TDRD15: variants seen among roughly 807,000 people sequenced by gnomAD.
The protein encoded by TDRD15 is tudor domain-containing protein 15.
For synonymous variants in TDRD15, 503 were observed against 314.5 expected (o/e 1.60, Z -6.34); for missense variants, 1,416 against 904.7 (o/e 1.57, Z -7.25).
At position 21,140,696 on chromosome 2, in the gene TDRD15, G is replaced by A. The variant is rs891540696; in HGVS notation, c.3229G>A (p.Ala1077Thr). Residue 1077 changes from alanine to threonine, a missense_variant, in exon 4 of 4, where the codon GCT becomes ACT. Transcript: ENST00000405799. ...AGAGTTGTTGTTTACACCTATGCAA[G>A]CTATTAAGTGTTTTTTGTCAGATCT... ...FPELLFTPMQ[A>T]IKCFLSDLRD... is the part of the protein sequence containing the mutation. 5.6e-6 allele frequency: 4 copies of A among 713,928 alleles called. No individual in the cohort carries two copies. In the East Asian group the frequency reaches 1.1e-4, roughly 19 times the overall value. 44.2% of individuals were successfully genotyped at this position (713,928 alleles called of 1,614,324 possible).
At chr2:21,132,110 C>G (rs1665730150) in intron 2 of TDRD15, among the ~76,000 whole-genome samples, 1 of 152,020 alleles carries the variant, frequency 6.6e-6, no homozygotes. Flanking sequence ...AAGCCCAAAG[C>G]CCAGAGGTGA....
chr2:21,146,726 TA>T (rs1409265985), downstream of TDRD15, among the ~76,000 whole-genome samples: 2 of 152,246 alleles, frequency 1.3e-5, no homozygotes, highest in East Asian at 1.9e-4. Context: ...AGCCCATTTT[TA>T]AAGAGGAGTT....
chr2:21,129,094 G>A (rs746957443), intron 2 of TDRD15, among the ~76,000 whole-genome samples: 1 of 152,066 alleles, frequency 6.6e-6, no homozygotes, highest in Non-Finnish European at 1.5e-5. Flanking sequence ...ACGTTACCAT[G>A]CCCCACTAAT....
chr2:21,139,938 T>C lies in TDRD15; in HGVS notation c.2471T>C (p.Val824Ala). 1 of 715,416 alleles carries C rather than the reference T, an allele frequency of 1.4e-6. No homozygotes were observed. Among genetic ancestry groups the C allele is most frequent in the Non-Finnish European group, 2.6e-6 (1 of 383,884 alleles). 44.3% of individuals were successfully genotyped at this position (715,416 alleles called of 1,614,324 possible). A position where few individuals can be genotyped will look rare whatever the true frequency, so the allele number is the denominator to read the frequency against. The change falls in exon 4 of 4, where the codon GTA (valine) becomes GCA (alanine). Residue 824 changes from valine (V) to alanine (A), a missense_variant. Coordinates refer to ENST00000405799, the MANE Select transcript of TDRD15 (RefSeq NM_001306137.2). ...TGTAGAGCTGCTGTTTTGACTCAAG[T>C]ATCAAAAGAAGTTGACATAGTGTTT... is the stretch of plus-strand genomic sequence containing the variant. Reference protein sequence around the residue: ...KWCRAAVLTQVSKEVDIVFVD... With the variant: ...KWCRAAVLTQASKEVDIVFVD...
At chr2:21,147,257 C>T (rs1343058255), downstream of TDRD15, among the ~76,000 whole-genome samples, 1 of 151,744 alleles carries the variant, frequency 6.6e-6, no homozygotes, top group Non-Finnish European at 1.5e-5. Flanking sequence ...ATAATGGTTA[C>T]ATTCATCATT....
At chr2:21,125,151 TGA>T (rs1665559696) in intron 1 of TDRD15, among the ~76,000 whole-genome samples, 1 of 151,030 alleles carries the variant, frequency 6.6e-6, no homozygotes, top group African/African-American at 2.4e-5. Flanking sequence ...GGTGTGTGTG[TGA>T]GAGAGAAATC....
rs1474614085 is a variant in TDRD15 at position 21,139,987 on chromosome 2, G to C, written c.2520G>C (p.Arg840Ser). The C allele has an allele frequency of 5.6e-6, 4 of 715,636 alleles. No individual in the cohort carries two copies. The East Asian group carries it at 1.1e-4, about 19-fold the overall frequency. 44.3% of individuals were successfully genotyped at this position (715,636 alleles called of 1,614,324 possible). A position where few individuals can be genotyped will look rare whatever the true frequency, so the allele number is the denominator to read the frequency against. ...IVFVDYGYQK[R>S]VLIEDLCAIN... ...TTGTTGATTATGGTTACCAAAAAAG[G>C]GTTTTAATTGAAGATCTTTGTGCAA... Residue 840 changes from arginine to serine, a missense_variant, in exon 4 of 4, where the codon AGG becomes AGC. By Grantham distance (110) the Arg-to-Ser change is moderately radical. Coordinates refer to ENST00000405799, the MANE Select transcript of TDRD15 (RefSeq NM_001306137.2).
chr2:21,133,561 C>T (rs1189758125), intron 2 of TDRD15, among the ~76,000 whole-genome samples: 5 of 151,988 alleles, frequency 3.3e-5, no homozygotes, highest in African/African-American at 4.8e-5. Context: ...TGATCAATTT[C>T]GGTTTCAGTT....
rs568660920 is a variant in TDRD15, at chr2:21,124,828, G to A, written c.-201+782G>A. On this transcript the variant is annotated intron_variant, in intron 1 of 3. Coordinates refer to ENST00000405799, the MANE Select transcript of TDRD15 (RefSeq NM_001306137.2). ...GATCCTAATGCCAGGGTGTGTGTGT[G>A]TGTGTGTGTGTGACAGAGTGATCCT... Among the ~76,000 whole-genome samples the A allele has an allele frequency of 4.1e-3, 604 of 147,332 alleles. 3 individuals carry two copies. Among genetic ancestry groups the A allele is most frequent in the African/African-American group, 0.014 (573 of 39,922 alleles).
chr2:21,146,342 C>G (rs1228287701), downstream of TDRD15, among the ~76,000 whole-genome samples: 1 of 151,870 alleles, frequency 6.6e-6, no homozygotes, highest in Non-Finnish European at 1.5e-5. Context: ...AAGTTGCCAC[C>G]CTTTACATTT....
chr2:21,139,975 T>C lies in TDRD15; in HGVS notation c.2508T>C (p.Gly836=). 1 of 715,912 alleles carries C rather than the reference T, an allele frequency of 1.4e-6. No homozygotes were observed. Among genetic ancestry groups the C allele is most frequent in the Non-Finnish European group, 2.6e-6 (1 of 384,016 alleles). 44.3% of individuals were successfully genotyped at this position (715,912 alleles called of 1,614,324 possible). The change falls in exon 4 of 4, where the codon GGT becomes GGC. Residue 836 remains glycine (G), a synonymous_variant. Transcript: ENST00000405799. ...TTGACATAGTGTTTGTTGATTATGG[T>C]TACCAAAAAAGGGTTTTAATTGAAG... ...KEVDIVFVDY[G]YQKRVLIEDL... is the part of the protein sequence containing the mutation.
At chr2:21,136,816 G>A (rs1665816267) in intron 3 of TDRD15, among the ~76,000 whole-genome samples, 1 of 151,974 alleles carries the variant, frequency 6.6e-6, no homozygotes, top group Non-Finnish European at 1.5e-5. Context: ...CCAGTGATAA[G>A]GTCTGGATAT....
In TDRD15 at chr2:21,138,606, G is replaced by T; in HGVS notation, c.1139G>T (p.Gly380Val). Residue 380 changes from glycine (G) to valine (V), a missense_variant, in exon 4 of 4, where the codon GGA (glycine) becomes GTA (valine). By Grantham distance (109) the Gly-to-Val change is moderately radical (BLOSUM62 -3). Coordinates refer to ENST00000405799, the MANE Select transcript of TDRD15 (RefSeq NM_001306137.2). ...AGTATATTTAAACAGGCCTTATTAG[G>T]ACAAGTGGTATATGCACACATTGAT... is the stretch of plus-strand genomic sequence containing the variant. ...QLSIFKQALL[G>V]QVVYAHIDWF... 1.4e-6 allele frequency: 1 copy of T among 713,096 alleles called. No homozygotes were observed. The allele number at this position is 713,096 out of a possible 1,614,324, so 44.2% of individuals were successfully genotyped here.
At chr2:21,133,376 GT>G (rs1320294652) in intron 2 of TDRD15, among the ~76,000 whole-genome samples, 6 of 151,972 alleles carry the variant, frequency 3.9e-5, no homozygotes, top group African/African-American at 9.7e-5. Context: ...GTTTTTGTGG[GT>G]TTTTTTCTTT....
chr2:21,136,610 C>G (rs767823867), intron 3 of TDRD15, among the ~76,000 whole-genome samples: 1 of 151,986 alleles, frequency 6.6e-6, no homozygotes, highest in Non-Finnish European at 1.5e-5. Context: ...CAACTGTTAA[C>G]TCAGAGTCAA....
chr2:21,127,189 G>T (rs1252918959), intron 1 of TDRD15, among the ~76,000 whole-genome samples: 2 of 151,848 alleles, frequency 1.3e-5, no homozygotes, highest in Non-Finnish European at 2.9e-5. Context: ...AGTTGTAAAA[G>T]TTCTTTATAT....
At chr2:21,136,326 A>G (rs1665806105) in intron 3 of TDRD15, among the ~76,000 whole-genome samples, 2 of 151,982 alleles carry the variant, frequency 1.3e-5, no homozygotes, top group South Asian at 4.1e-4. Context: ...TGGGGTATTT[A>G]GTCAAAATTT....
rs1347281873 is a variant in TDRD15 at position 21,138,938 on chromosome 2, G to A, written c.1471G>A (p.Val491Ile). 13 of 714,386 alleles carry A rather than the reference G, an allele frequency of 1.8e-5. No homozygotes were observed. The highest frequency in any genetic ancestry group is 3.1e-5 in the Non-Finnish European group (12 of 383,728). The allele number at this position is 714,386 out of a possible 1,614,324, so 44.3% of individuals were successfully genotyped here. Residue 491 changes from valine to isoleucine, a missense_variant, in exon 4 of 4, where the codon GTA (valine) becomes ATA (isoleucine). By Grantham distance (29) the Val-to-Ile change is conservative (BLOSUM62 3). Transcript: ENST00000405799. Reference protein sequence around the residue: ...EAAYIAFIAYVLNPSNFWVRT... With the variant: ...EAAYIAFIAYILNPSNFWVRT... ...TGCCTACATAGCTTTTATAGCATAT[G>A]TATTAAACCCATCAAATTTCTGGGT... is the stretch of plus-strand genomic sequence containing the variant.
intron 2 of TDRD15, among the ~76,000 whole-genome samples, chr2:21,133,986 G>A (rs1320536012): frequency 6.6e-6 from 1 of 151,892 alleles, no homozygotes; most frequent in Non-Finnish European, 1.5e-5. Context: ...AATTTCATTT[G>A]TCTCTTTAAT....
Sources: allele counts gnomAD v4.1 joint callset (sites outside exome capture counted in the v4.1 genomes callset), GRCh38; gene constraint gnomAD v4.1.1; transcripts MANE v1.5; gene names NCBI Gene and HGNC (gene_info 2026-07-23, HGNC 2026-07-21).